ADAMTS2: variants seen among roughly 807,000 people sequenced by gnomAD.
ADAMTS2 encodes the protein ADAM metallopeptidase with thrombospondin type 1 motif 2.
A neutral mutation model predicts 123.0 loss-of-function variants in ADAMTS2; 50 were observed. The ratio of observed to expected loss-of-function variants is 0.41; its 90% CI spans 0.32 to 0.51. ADAMTS2 has a LOEUF of 0.51. ADAMTS2 is among the 20% of genes least tolerant of loss of function. The pLI, the probability that ADAMTS2 is intolerant of heterozygous loss-of-function variation, is 0.35. For missense variants in ADAMTS2, 1,494 were observed against 1,705.2 expected (o/e 0.88, Z 2.18); for synonymous variants, 678 against 695.4 (o/e 0.98, Z 0.39).
intron 4 of ADAMTS2, among the ~76,000 whole-genome samples, chr5:179,206,147 C>T (rs1040622995): frequency 2.0e-5 from 3 of 152,202 alleles, no homozygotes; most frequent in African/African-American, 7.2e-5. Context: ...CGAATTCTGC[C>T]GATGCAGCGG....
rs1862212 is a variant in ADAMTS2, at chr5:179,180,921, A to T, written c.975+151T>A. The T allele has an allele frequency of 0.47, 306,222 of 657,612 alleles. 75,156 individuals carry two copies. The highest frequency in any genetic ancestry group is 0.78 in the East Asian group (28,371 of 36,566). 40.7% of individuals were successfully genotyped at this position (657,612 alleles called of 1,614,324 possible). A position where few individuals can be genotyped will look rare whatever the true frequency, so the allele number is the denominator to read the frequency against. The stretch of plus-strand genomic sequence containing the variant: ...AAACAAGGGGTGAAAGGGAGCAGGG[A>T]TCTTGTTTCTTATAGGAACCTCAGG... On this transcript the variant is annotated intron_variant, in intron 5 of 21. Transcript: ENST00000251582. This position sits in a 1 kb window ranked among gnomAD's most constrained non-coding sequence, Gnocchi z 4.6.
rs144797464 is a variant in ADAMTS2, at chr5:179,125,168, G to A, written c.2763C>T (p.Gly921=). ...QECSQPVWVT[G]EWEPCSQTCG... The stretch of plus-strand genomic sequence containing the variant: ...AGGTCTGGCTACATGGCTCCCATTC[G>A]CCTGTGACCCACCTGCCAGGGCAGA... The change falls in exon 19 of 22, where the codon GGC becomes GGT. Residue 921 remains glycine, a synonymous_variant. Transcript: ENST00000251582. 1.8e-4 allele frequency: 289 copies of A among 1,612,462 alleles called. 1 individual carries two copies. In the African/African-American group the frequency reaches 2.9e-3, roughly 16 times the overall value.
intron 10 of ADAMTS2, among the ~76,000 whole-genome samples, chr5:179,149,090 C>T (rs1242247776): frequency 1.3e-5 from 2 of 152,136 alleles, no homozygotes; most frequent in Non-Finnish European, 2.9e-5. Context: ...GGGTTGCAGG[C>T]GAGGAGGGGC....
rs1199933739 is a variant in ADAMTS2 at position 179,180,637 on chromosome 5, A to G, written c.975+435T>C. ...TCCCCCTGCCCTCATTACCCAGAAA[A>G]CTAACTCAGGACCGCTCCACTCCCC... On this transcript the variant is annotated intron_variant, in intron 5 of 21. Coordinates refer to ENST00000251582, the MANE Select transcript of ADAMTS2 (RefSeq NM_014244.5). The surrounding 1 kb of genome is among the most constrained non-coding windows in gnomAD (Gnocchi z 4.6). Among the ~76,000 whole-genome samples the G allele has an allele frequency of 6.6e-6, 1 of 151,902 alleles. No homozygotes were observed. The highest frequency in any genetic ancestry group is 1.5e-5 in the Non-Finnish European group (1 of 67,974).
chr5:179,210,691 G>C (rs1246999992), intron 3 of ADAMTS2, among the ~76,000 whole-genome samples: 2 of 152,218 alleles, frequency 1.3e-5, no homozygotes, highest in African/African-American at 4.8e-5. Flanking sequence ...AGGACAAGGG[G>C]AGAAGCCCTA....
chr5:179,144,043 C>T (rs1017342503), intron 10 of ADAMTS2, among the ~76,000 whole-genome samples: 5 of 152,048 alleles, frequency 3.3e-5, no homozygotes, highest in Non-Finnish European at 7.4e-5. Flanking sequence ...CCCAAAGAAT[C>T]CCCTACAAAA....
At chr5:179,341,980 G>A (rs1430654608) in intron 2 of ADAMTS2, among the ~76,000 whole-genome samples, 1 of 152,072 alleles carries the variant, frequency 6.6e-6, no homozygotes, top group Non-Finnish European at 1.5e-5. Flanking sequence ...CATTCTTCCA[G>A]CCCCCATTCA....
At position 179,162,938 on chromosome 5, in the gene ADAMTS2, C is replaced by A. The variant is rs961871481; in HGVS notation, c.976-4059G>T. Among the ~76,000 whole-genome samples, 5 of 152,160 alleles carry A rather than the reference C, an allele frequency of 3.3e-5. No homozygotes were observed. Among genetic ancestry groups the A allele is most frequent in the Admixed American group, 3.3e-4 (5 of 15,284 alleles). On this transcript the variant is annotated intron_variant, in intron 5 of 21. Coordinates refer to ENST00000251582, the MANE Select transcript of ADAMTS2 (RefSeq NM_014244.5). The surrounding 1 kb of genome is among the most constrained non-coding windows in gnomAD (Gnocchi z 5.1). ...TGAAAGATGGCGTCTGATCTGGGGG[C>A]AGCTGATATGTTCTGGGGGCAGTTT...
chr5:179,176,511 C>A (rs1763933488), intron 5 of ADAMTS2, among the ~76,000 whole-genome samples: 1 of 152,214 alleles, frequency 6.6e-6, no homozygotes, highest in Non-Finnish European at 1.5e-5. Flanking sequence ...ATACCATCAT[C>A]TACCCAGCTG....
intron 2 of ADAMTS2, among the ~76,000 whole-genome samples, chr5:179,297,342 T>C (rs1581254230): frequency 6.6e-6 from 1 of 151,592 alleles, no homozygotes; most frequent in South Asian, 2.1e-4. Flanking sequence ...CCTGCCTGCC[T>C]GGCCTGAATC....
chr5:179,169,859 C>T (rs1763780642), intron 5 of ADAMTS2, among the ~76,000 whole-genome samples: 1 of 152,244 alleles, frequency 6.6e-6, no homozygotes, highest in African/African-American at 2.4e-5. Flanking sequence ...AAGCATTCCA[C>T]ACTTTGTCTT....
intron 3 of ADAMTS2, among the ~76,000 whole-genome samples, chr5:179,208,283 T>C (rs112883921): frequency 1.3e-5 from 2 of 151,972 alleles, no homozygotes; most frequent in African/African-American, 2.4e-5. Flanking sequence ...CATCCTGGGC[T>C]GTGCATGTTC....
chr5:179,194,233 G>A (rs1764367904), intron 4 of ADAMTS2, among the ~76,000 whole-genome samples: 1 of 152,050 alleles, frequency 6.6e-6, no homozygotes, highest in African/African-American at 2.4e-5. Context: ...CATTTCAGGA[G>A]GAAGCAGAGG....
chr5:179,268,563 C>T (rs1005140897), intron 3 of ADAMTS2, among the ~76,000 whole-genome samples: 3 of 152,208 alleles, frequency 2.0e-5, no homozygotes, highest in African/African-American at 7.2e-5. Context: ...TAAGACAGGC[C>T]CTCAGTGTCA....
intron 2 of ADAMTS2, among the ~76,000 whole-genome samples, chr5:179,305,523 AC>A (rs1486204525): frequency 3.9e-5 from 6 of 152,242 alleles, no homozygotes. Flanking sequence ...TAAACACTAT[AC>A]AAAGATATAC....
At chr5:179,232,504 G>A (rs1248083782) in intron 3 of ADAMTS2, among the ~76,000 whole-genome samples, 3 of 152,222 alleles carry the variant, frequency 2.0e-5, no homozygotes, top group Non-Finnish European at 4.4e-5. Context: ...CCCTGGCATG[G>A]CTACCAAGAG....
rs1225881412 is a variant in ADAMTS2 at position 179,332,911 on chromosome 5, T to G, written c.534+10856A>C. 1.3e-5 allele frequency among the ~76,000 whole-genome samples: 2 copies of G among 152,116 alleles called. No homozygotes were observed. Among genetic ancestry groups the G allele is most frequent in the Non-Finnish European group, 2.9e-5 (2 of 68,006 alleles). Reference sequence around the variant, plus strand: ...GATCAGTGCTCAACGCCCATGGAGCTCCAGGTGGCCGCCAAGTGTGGACAG... The same window carrying G: ...GATCAGTGCTCAACGCCCATGGAGCGCCAGGTGGCCGCCAAGTGTGGACAG... On this transcript the variant is annotated intron_variant, in intron 2 of 21. Coordinates refer to ENST00000251582, the MANE Select transcript of ADAMTS2 (RefSeq NM_014244.5). This position sits in a 1 kb window ranked among gnomAD's most constrained non-coding sequence, Gnocchi z 4.2.
chr5:179,311,269 C>G (rs1054165413), intron 2 of ADAMTS2, among the ~76,000 whole-genome samples: 1 of 152,190 alleles, frequency 6.6e-6, no homozygotes, highest in African/African-American at 2.4e-5. Context: ...GGCCACTTCT[C>G]TGGAAGGGCC....
At position 179,332,904 on chromosome 5, in the gene ADAMTS2, A is replaced by G. The variant is rs1020673474; in HGVS notation, c.534+10863T>C. 6.6e-6 allele frequency among the ~76,000 whole-genome samples: 1 copy of G among 152,122 alleles called. No homozygotes were observed. The highest frequency in any genetic ancestry group is 6.5e-5 in the Admixed American group (1 of 15,274). Reference sequence around the variant, plus strand: ...TCTGCAGGATCAGTGCTCAACGCCCATGGAGCTCCAGGTGGCCGCCAAGTG... The same window carrying G: ...TCTGCAGGATCAGTGCTCAACGCCCGTGGAGCTCCAGGTGGCCGCCAAGTG... On this transcript the variant is annotated intron_variant, in intron 2 of 21. Coordinates refer to ENST00000251582, the MANE Select transcript of ADAMTS2 (RefSeq NM_014244.5). The surrounding 1 kb of genome is among the most constrained non-coding windows in gnomAD (Gnocchi z 4.2).
Sources: gnomAD v4.1 joint callset for allele counts (sites outside exome capture counted in the v4.1 genomes callset) on GRCh38, gnomAD v4.1.1 for gene constraint, Gnocchi (gnomAD v3.1) non-coding constraint, MANE v1.5 for transcripts, NCBI Gene and HGNC (gene_info 2026-07-23, HGNC 2026-07-21) for gene names.